Variants in PRR11 observed in about 807,000 individuals in gnomAD.
PRR11 encodes proline rich 11, also known as proline-rich protein 11.
In PRR11, 30 loss-of-function variants were observed where a neutral mutation model predicts 45.6. The ratio of observed to expected loss-of-function variants is 0.66; its 90% CI spans 0.49 to 0.89. PRR11 has a LOEUF of 0.89. Among genes scored for constraint, PRR11 ranks in the 40% least tolerant of loss-of-function variants. PRR11 has a pLI of 0.00. For synonymous variants in PRR11, 128 were observed against 153.5 expected, an observed-to-expected ratio of 0.83 and a Z score of 1.23; for missense variants, 373 against 424.8, an observed-to-expected ratio of 0.88 and a Z score of 1.07.
chr17:59,196,348 A>G (rs926019031), intron 7 of PRR11, among the ~76,000 whole-genome samples: 2 of 152,180 alleles, frequency 1.3e-5, no homozygotes, highest in African/African-American at 4.8e-5. Context: ...ATAATTTCTG[A>G]AAGCAACCTG....
At chr17:59,171,926 C>A (rs1345524001) in intron 2 of PRR11, among the ~76,000 whole-genome samples, 1 of 151,944 alleles carries the variant, frequency 6.6e-6, no homozygotes, top group Non-Finnish European at 1.5e-5. Flanking sequence ...AAAAAGGATT[C>A]TCTGTTGAAA....
At position 59,188,341 on chromosome 17, in the gene PRR11, A is replaced by G. The variant is rs773568075; in HGVS notation, c.402+2779A>G. 1.3e-4 allele frequency among the ~76,000 whole-genome samples: 20 copies of G among 152,334 alleles called. No individual in the cohort carries two copies. In the East Asian group the frequency reaches 3.5e-3, roughly 26 times the overall value. On this transcript the variant is annotated intron_variant, in intron 4 of 9. Transcript: ENST00000262293. The stretch of plus-strand genomic sequence containing the variant: ...TTGTTATTGAGAATGGCCTAAATTG[A>G]TAAAACCTCTGTGGGCTATAATTAA...
intron 4 of PRR11, among the ~76,000 whole-genome samples, chr17:59,185,913 T>C (rs905252669): frequency 1.3e-5 from 2 of 152,152 alleles, no homozygotes; most frequent in Non-Finnish European, 2.9e-5. Context: ...TTAGTAGATA[T>C]ATTGTCCAGA....
intron 4 of PRR11, among the ~76,000 whole-genome samples, chr17:59,187,816 G>A (rs949157472): frequency 6.7e-5 from 10 of 148,816 alleles, no homozygotes; most frequent in African/African-American, 2.5e-4. Context: ...AGTGAGCCGA[G>A]ATCACGCCAC....
intron 2 of PRR11, among the ~76,000 whole-genome samples, chr17:59,180,357 C>T (rs1568322624): frequency 6.6e-6 from 1 of 151,228 alleles, no homozygotes; most frequent in Admixed American, 6.6e-5. Context: ...TCTCAAACTC[C>T]TGGCCTCAAG....
rs769188702 is a variant in PRR11 at position 59,201,615 on chromosome 17, T to C, written c.1067T>C (p.Phe356Ser). ...ACTCTGCCACTTTCTACAAGCAGCTTTGATGAACAAAACTGATGCCAACTC... is the reference window on the plus strand; with the variant it reads ...ACTCTGCCACTTTCTACAAGCAGCTCTGATGAACAAAACTGATGCCAACTC... Reference protein sequence around the residue: ...TPTLPLSTSSFDEQN With the variant: ...TPTLPLSTSSSDEQN The change falls in exon 10 of 10, where the codon TTT becomes TCT. Residue 356 changes from phenylalanine to serine, a missense_variant. By Grantham distance (155) the Phe-to-Ser change is radical. Coordinates refer to ENST00000262293, the MANE Select transcript of PRR11 (RefSeq NM_018304.4). The C allele has an allele frequency of 5.0e-6, 8 of 1,613,736 alleles. 1 individual carries two copies. In the South Asian group the frequency reaches 7.7e-5, roughly 16 times the overall value.
intron 5 of PRR11, 97 bp downstream of exon 5, chr17:59,193,831 G>A: frequency 1.4e-6 from 2 of 1,388,748 alleles, no homozygotes; most frequent in Non-Finnish European, 2.0e-6. Context: ...AGGCTAATCA[G>A]GGCTTGGGCC....
At chr17:59,190,978 G>A (rs1037319832) in intron 4 of PRR11, among the ~76,000 whole-genome samples, 2 of 152,184 alleles carry the variant, frequency 1.3e-5, no homozygotes, top group Non-Finnish European at 2.9e-5. Flanking sequence ...CAGAAGCTCT[G>A]CTCTGTATTG....
intron 1 of PRR11, among the ~76,000 whole-genome samples, chr17:59,161,415 AAAAAAAAAC>A (rs1464183004): frequency 1.3e-5 from 2 of 151,456 alleles, no homozygotes; most frequent in African/African-American, 4.9e-5. Context: ...CGTCTCAAAA[AAAAAAAAAC>A]AAAAACATAA....
intron 4 of PRR11, among the ~76,000 whole-genome samples, chr17:59,189,223 C>G (rs1238996213): frequency 6.6e-6 from 1 of 151,574 alleles, no homozygotes. Context: ...TCATTTGAAC[C>G]CAGGAGGCAG....
chr17:59,174,206 A>G (rs1226451176), intron 2 of PRR11, among the ~76,000 whole-genome samples: 1 of 152,226 alleles, frequency 6.6e-6, no homozygotes, highest in Non-Finnish European at 1.5e-5. Context: ...GGCACCCTCA[A>G]AGAATGTGGC....
rs1231193845 is a variant in PRR11 at position 59,205,702 on chromosome 17, A to C, written c.*4071A>C. 2.0e-5 allele frequency among the ~76,000 whole-genome samples: 3 copies of C among 151,514 alleles called. No homozygotes were observed. The highest frequency in any genetic ancestry group is 4.4e-5 in the Non-Finnish European group (3 of 67,930). On this transcript the variant is annotated 3_prime_UTR_variant, in exon 10 of 10. Transcript: ENST00000262293. ...CAACAAGAGCGAAACTGTCTCAAAA[A>C]AAAAAAAAAAGTATATGTTAAGTAT...
At chr17:59,164,787 G>T (rs2046671067) in intron 1 of PRR11, among the ~76,000 whole-genome samples, 2 of 151,706 alleles carry the variant, frequency 1.3e-5, no homozygotes, top group African/African-American at 4.8e-5. Flanking sequence ...GCGGAGGCAG[G>T]AGAATCGCTT....
intron 2 of PRR11, chr17:59,177,402 G>C: frequency 2.1e-6 from 1 of 467,702 alleles, no homozygotes; most frequent in Non-Finnish European, 4.3e-6. Context: ...TGGAAATTGC[G>C]GGGTGGTGGG....
chr17:59,171,212 G>A (rs886487180), intron 2 of PRR11, among the ~76,000 whole-genome samples: 15 of 151,736 alleles, frequency 9.9e-5, no homozygotes, highest in African/African-American at 2.9e-4. Flanking sequence ...GCAGTGAGCC[G>A]AGACAGTGCC....
At chr17:59,187,443 G>A (rs1599703803) in intron 4 of PRR11, among the ~76,000 whole-genome samples, 2 of 152,118 alleles carry the variant, frequency 1.3e-5, no homozygotes, top group Non-Finnish European at 2.9e-5. Context: ...GTTAGTGCAT[G>A]CCTGTAATCC....
rs757196142 is a variant in PRR11, at chr17:59,169,861, C to T, written c.109C>T (p.Pro37Ser). 12 of 1,607,070 alleles carry T rather than the reference C, an allele frequency of 7.5e-6. No individual in the cohort carries two copies. Among genetic ancestry groups the T allele is most frequent in the Non-Finnish European group, 1.0e-5 (12 of 1,177,780 alleles). Residue 37 changes from proline (P) to serine (S), a missense_variant, in exon 2 of 10, where the codon CCA becomes TCA. Transcript: ENST00000262293. ...GTCCAAGCTAATTACACCTCCTCCT[C>T]CACCACCCTCACCAGAAAGGTAAGG... The part of the protein sequence containing the change: ...FQSKLITPPP[P>S]PPSPERVGIS...
At position 59,194,820 on chromosome 17, in the gene PRR11, T is replaced by C. The variant is rs368535473; in HGVS notation, c.709T>C (p.Leu237=). The C allele has an allele frequency of 3.6e-5, 58 of 1,613,644 alleles. No homozygotes were observed. Among genetic ancestry groups the C allele is most frequent in the Non-Finnish European group, 4.7e-5 (56 of 1,179,812 alleles). ...ITVKDLLTVK[L]KKTQSLDEKR... is the part of the protein sequence containing the mutation. ...AGTTAAAGATCTGCTGACTGTAAAA[T>C]TAAAGAAGACACAGAGTTTAGATGA... The change falls in exon 6 of 10, where the codon TTA becomes CTA. Residue 237 remains leucine (L), a synonymous_variant. Coordinates refer to ENST00000262293, the MANE Select transcript of PRR11 (RefSeq NM_018304.4).
intron 1 of PRR11, among the ~76,000 whole-genome samples, chr17:59,168,525 C>T (rs2046690808): frequency 6.6e-6 from 1 of 151,918 alleles, no homozygotes; most frequent in African/African-American, 2.4e-5. Context: ...CCTGTAATCC[C>T]AGCACTTTGG....
Sources: allele counts gnomAD v4.1 joint callset (sites outside exome capture counted in the v4.1 genomes callset), GRCh38; gene constraint gnomAD v4.1.1; transcripts MANE v1.5; gene names NCBI Gene and HGNC (gene_info 2026-07-23, HGNC 2026-07-21).